Variants in RAB18 observed in about 807,000 individuals in gnomAD.
RAB18 encodes the protein ras-related protein Rab-18.
Under a neutral mutation model 28.5 loss-of-function variants are expected in RAB18, and 10 were observed. The ratio of observed to expected loss-of-function variants is 0.35; its 90% CI spans 0.22 to 0.60. The LOEUF (loss-of-function observed/expected upper bound fraction) is 0.60, where lower values mean the gene tolerates loss of function less well. Ranked by LOEUF, RAB18 falls within the 20% of genes least tolerant of loss-of-function variation. The probability of loss-of-function intolerance (pLI) is 0.78; values close to 1 mark genes in which losing one functional copy is unlikely to be tolerated. For missense variants in RAB18, 188 were observed against 244.2 expected (o/e 0.77, Z 1.53); for synonymous variants, 93 against 86.9 (o/e 1.07, Z -0.39).
In RAB18 at chr10:27,541,944, G is replaced by A; in HGVS notation, c.*3893G>A. 2.2e-6 allele frequency: 1 copy of A among 453,708 alleles called. No homozygotes were observed. The highest frequency in any genetic ancestry group is 4.4e-6 in the Non-Finnish European group (1 of 226,742). 28.1% of individuals were successfully genotyped at this position (453,708 alleles called of 1,614,324 possible). A position where few individuals can be genotyped will look rare whatever the true frequency, so the allele number is the denominator to read the frequency against. On this transcript the variant is annotated 3_prime_UTR_variant, in exon 7 of 7. Transcript: ENST00000356940. ...AGTGCCCCACTTCCCCAGTAGCAAT[G>A]GTTCAGGGGTAGGCACCTGACCCAG...
rs142565070 is a variant in RAB18, at chr10:27,521,530, A to G, written c.125-5298A>G. ...TACCACTCAGCCATAAAAAGGAACA[A>G]AATAATGACATTTGCAGCAAACTGG... On this transcript the variant is annotated intron_variant, in intron 2 of 6. Coordinates refer to ENST00000356940, the MANE Select transcript of RAB18 (RefSeq NM_021252.5). Among the ~76,000 whole-genome samples, 349 of 152,328 alleles carry G rather than the reference A, an allele frequency of 2.3e-3. 3 individuals carry two copies. The highest frequency in any genetic ancestry group is 7.4e-3 in the African/African-American group (308 of 41,570).
chr10:27,535,939 C>T (rs569996124), intron 6 of RAB18, among the ~76,000 whole-genome samples: 43 of 152,128 alleles, frequency 2.8e-4, no homozygotes, highest in African/African-American at 7.9e-4. Flanking sequence ...AAAAATTCAC[C>T]GGGCGTGGTG....
chr10:27,540,217 A>G lies in RAB18; in HGVS notation c.*2166A>G, dbSNP rs2132419605. On this transcript the variant is annotated 3_prime_UTR_variant, in exon 7 of 7. Coordinates refer to ENST00000356940, the MANE Select transcript of RAB18 (RefSeq NM_021252.5). The stretch of plus-strand genomic sequence containing the variant: ...GTGCCAGATGCCTTTCTAAGTGCTG[A>G]ATTATCTCATTAAACCTCACAGCAA... 1 of 454,046 alleles carries G rather than the reference A, an allele frequency of 2.2e-6. No individual in the cohort carries two copies. The highest frequency in any genetic ancestry group is 1.6e-5 in the South Asian group (1 of 64,476). The allele number at this position is 454,046 out of a possible 1,614,324, so 28.1% of individuals were successfully genotyped here.
intron 2 of RAB18, among the ~76,000 whole-genome samples, chr10:27,520,714 C>T (rs1834530768): frequency 6.6e-6 from 1 of 151,696 alleles, no homozygotes; most frequent in South Asian, 2.1e-4. Context: ...GTCAGGAGGT[C>T]GAGATCTGTC....
intron 6 of RAB18, among the ~76,000 whole-genome samples, chr10:27,535,221 C>T (rs1053289631): frequency 6.6e-5 from 10 of 152,124 alleles, no homozygotes; most frequent in African/African-American, 2.4e-4. Context: ...TGGCCCAACA[C>T]AAATTTGTAA....
chr10:27,504,892 G>A, intron 1 of RAB18: 1 of 502,450 alleles, frequency 2.0e-6, no homozygotes, highest in Non-Finnish European at 4.1e-6. Flanking sequence ...AATACATAAT[G>A]TCCTCGGGAA....
At chr10:27,536,458 T>C (rs529980495) in intron 6 of RAB18, among the ~76,000 whole-genome samples, 57 of 151,942 alleles carry the variant, frequency 3.8e-4, no homozygotes, top group Non-Finnish European at 7.1e-4. Context: ...GGTGGGAGGA[T>C]CACTTGAGCC....
At chr10:27,534,984 TC>T (rs2132410473) in intron 6 of RAB18, among the ~76,000 whole-genome samples, 1 of 152,366 alleles carries the variant, frequency 6.6e-6, no homozygotes, top group East Asian at 1.9e-4. Context: ...TGACAAACTT[TC>T]TGCCCACATG....
At chr10:27,527,422 C>T (rs1262567245) in intron 3 of RAB18, among the ~76,000 whole-genome samples, 1 of 152,030 alleles carries the variant, frequency 6.6e-6, no homozygotes, top group Non-Finnish European at 1.5e-5. Flanking sequence ...ACTAGCTAGA[C>T]CGCTCATGCT....
At chr10:27,525,821 A>G (rs565455713) in intron 2 of RAB18, among the ~76,000 whole-genome samples, 57 of 152,348 alleles carry the variant, frequency 3.7e-4, no homozygotes, top group African/African-American at 1.3e-3. Context: ...AAGAATTACA[A>G]ATATATTTCC....
chr10:27,519,188 A>G (rs531573343), intron 2 of RAB18, among the ~76,000 whole-genome samples: 11 of 152,256 alleles, frequency 7.2e-5, no homozygotes, highest in African/African-American at 2.2e-4. Context: ...TTTAAACTAA[A>G]AAAGAAATAT....
At chr10:27,527,094 G>A (rs1424707455) in intron 3 of RAB18, 1 of 682,604 alleles carries the variant, frequency 1.5e-6, no homozygotes, top group African/African-American at 1.8e-5. Context: ...TTTTCACAAT[G>A]CATAATTCTT....
intron 2 of RAB18, among the ~76,000 whole-genome samples, chr10:27,525,362 A>C (rs560414166): frequency 6.6e-6 from 1 of 151,586 alleles, no homozygotes; most frequent in African/African-American, 2.4e-5. Context: ...AGTGGCTGTC[A>C]TTTAGTACCT....
Position 27,541,019 on chromosome 10 carries a change from A to G in RAB18, c.*2968A>G, listed in dbSNP as rs1214675376. The G allele has an allele frequency of 2.2e-6, 1 of 452,684 alleles. No individual in the cohort carries two copies. The allele number at this position is 452,684 out of a possible 1,614,324, so 28.0% of individuals were successfully genotyped here. A position where few individuals can be genotyped will look rare whatever the true frequency, so the allele number is the denominator to read the frequency against. ...ATATTTTTTCTGTGTATTTTTTTCA[A>G]ATGAACTCAACAATTCTTCAGGTAT... is the stretch of plus-strand genomic sequence containing the variant. On this transcript the variant is annotated 3_prime_UTR_variant, in exon 7 of 7. Coordinates refer to ENST00000356940, the MANE Select transcript of RAB18 (RefSeq NM_021252.5).
At position 27,538,717 on chromosome 10, in the gene RAB18, T is replaced by C. The variant is rs1834953969; in HGVS notation, c.*666T>C. ...TAACTGGAGTTTTAATCCTGTGATATGTACATTGGATTCATGACTGTGCAG... is the reference window on the plus strand; with the variant it reads ...TAACTGGAGTTTTAATCCTGTGATACGTACATTGGATTCATGACTGTGCAG... On this transcript the variant is annotated 3_prime_UTR_variant, in exon 7 of 7. Transcript: ENST00000356940. 2 of 454,148 alleles carry C rather than the reference T, an allele frequency of 4.4e-6. No homozygotes were observed. The highest frequency in any genetic ancestry group is 8.8e-6 in the Non-Finnish European group (2 of 226,766). The allele number at this position is 454,148 out of a possible 1,614,324, so 28.1% of individuals were successfully genotyped here. A position where few individuals can be genotyped will look rare whatever the true frequency, so the allele number is the denominator to read the frequency against.
chr10:27,504,387 A>G lies in RAB18; in HGVS notation c.18A>G (p.Leu6=), dbSNP rs1837746004. MDEDV[L]TTLKILIIGE... Reference sequence around the variant, plus strand: ...GGGTCAGGATGGACGAGGACGTGCTAACCACCCTGAAGATCCTCATCATCG... The same window carrying G: ...GGGTCAGGATGGACGAGGACGTGCTGACCACCCTGAAGATCCTCATCATCG... Residue 6 remains leucine (L), a synonymous_variant, in exon 1 of 7, where the codon CTA becomes CTG. Transcript: ENST00000356940. The G allele has an allele frequency of 6.3e-7, 1 of 1,576,118 alleles. No individual in the cohort carries two copies. The highest frequency in any genetic ancestry group is 8.6e-7 in the Non-Finnish European group (1 of 1,161,192).
chr10:27,507,909 G>A (rs1837886100), intron 1 of RAB18, among the ~76,000 whole-genome samples: 1 of 151,686 alleles, frequency 6.6e-6, no homozygotes, highest in Admixed American at 6.6e-5. Context: ...CGGCCATGGT[G>A]ATGCACACCT....
chr10:27,531,726 G>A, intron 3 of RAB18: 1 of 590,652 alleles, frequency 1.7e-6, no homozygotes, highest in Admixed American at 2.6e-5. Flanking sequence ...TCCAAGGATG[G>A]TAGAAAGACA....
intron 2 of RAB18, among the ~76,000 whole-genome samples, chr10:27,525,463 A>C (rs796853956): frequency 6.6e-5 from 10 of 151,896 alleles, no homozygotes; most frequent in African/African-American, 2.4e-4. Flanking sequence ...GAAAATGTAG[A>C]TAATTTCATG....
Sources: gnomAD v4.1 joint callset for allele counts (sites outside exome capture counted in the v4.1 genomes callset) on GRCh38, gnomAD v4.1.1 for gene constraint, MANE v1.5 for transcripts, NCBI Gene and HGNC (gene_info 2026-07-23, HGNC 2026-07-21) for gene names.